The following ATP10B variants were observed in gnomAD, a reference collection of about 807,000 sequenced individuals.
ATP10B encodes the protein ATPase phospholipid transporting 10B (putative).
In ATP10B, 122 loss-of-function variants were observed where a neutral mutation model predicts 141.2. The ratio of observed to expected loss-of-function variants is 0.86; its 90% CI spans 0.75 to 1.00. The LOEUF (loss-of-function observed/expected upper bound fraction) is 1.00, where lower values mean the gene tolerates loss of function less well. Ranked by LOEUF, ATP10B falls within the 50% of genes least tolerant of loss-of-function variation. The pLI, the probability that ATP10B is intolerant of heterozygous loss-of-function variation, is 0.00. For synonymous variants in ATP10B, 685 were observed against 692.0 expected (o/e 0.99, Z 0.16); for missense variants, 1,876 against 1,825.3 (o/e 1.03, Z -0.51).
intron 24 of ATP10B, among the ~76,000 whole-genome samples, chr5:160,584,134 G>A (rs1758389028): frequency 6.6e-6 from 1 of 152,146 alleles, no homozygotes; most frequent in African/African-American, 2.4e-5. Flanking sequence ...CGGCCACCCA[G>A]CTTTGTGATT....
intron 1 of ATP10B, among the ~76,000 whole-genome samples, chr5:160,818,335 C>A (rs187048334): frequency 6.6e-6 from 1 of 152,070 alleles, no homozygotes; most frequent in Non-Finnish European, 1.5e-5. Flanking sequence ...AAAAAGTGGG[C>A]AAAGGATATG....
At position 160,763,874 on chromosome 5, in the gene ATP10B, C is replaced by T. The variant is rs191977324; in HGVS notation, c.-331+21685G>A. Reference sequence around the variant, plus strand: ...GCTCAATTAGAAACAAGATGGGGGACGTTACAACTGTTACCACAGAAATAC... The same window carrying T: ...GCTCAATTAGAAACAAGATGGGGGATGTTACAACTGTTACCACAGAAATAC... On this transcript the variant is annotated intron_variant, in intron 2 of 25. Coordinates refer to ENST00000327245, the MANE Select transcript of ATP10B (RefSeq NM_025153.3). Among the ~76,000 whole-genome samples, 218 of 152,024 alleles carry T rather than the reference C, an allele frequency of 1.4e-3. 1 individual carries two copies. The highest frequency in any genetic ancestry group is 5.1e-3 in the African/African-American group (211 of 41,510).
intron 16 of ATP10B, 116 bp downstream of exon 16, chr5:160,617,748 C>A: frequency 1.1e-6 from 1 of 930,334 alleles, no homozygotes; most frequent in Non-Finnish European, 1.6e-6. Flanking sequence ...AACAGCTAAT[C>A]TTGAAAATGT....
Position 160,686,074 on chromosome 5 carries a change from C to G in ATP10B, c.470+5G>C. ...AAGAGAGAACACAGGGATGGTTTTT[C>G]TTACCTTTCATAAATTCGAATGTTG... On this transcript the variant is annotated splice_donor_5th_base_variant and intron_variant, in intron 6 of 25. Transcript: ENST00000327245. The G allele has an allele frequency of 2.6e-6, 4 of 1,549,722 alleles. No homozygotes were observed. Among genetic ancestry groups the G allele is most frequent in the Non-Finnish European group, 3.5e-6 (4 of 1,139,654 alleles).
At chr5:160,860,909 T>A in the ATP10B span, among the ~76,000 whole-genome samples, 1 of 151,972 alleles carries the variant, frequency 6.6e-6, no homozygotes, top group Non-Finnish European at 1.5e-5. Flanking sequence ...TGCTGAATAA[T>A]GGCCATCCAC....
chr5:160,927,237 T>C, the ATP10B span, among the ~76,000 whole-genome samples: 1 of 152,098 alleles, frequency 6.6e-6, no homozygotes, highest in Non-Finnish European at 1.5e-5. Context: ...CACTGGAAAT[T>C]TAAGTGGGTG....
At chr5:160,653,631 CATATATACATATAT>C (rs1561705435) in intron 7 of ATP10B, among the ~76,000 whole-genome samples, 3 of 78,036 alleles carry the variant, frequency 3.8e-5, no homozygotes, top group Non-Finnish European at 7.0e-5. Context: ...ATTATATATA[CATATATACATATAT>C]ATTATATATA....
At chr5:160,787,702 A>G (rs1235204923) in intron 1 of ATP10B, among the ~76,000 whole-genome samples, 2 of 152,108 alleles carry the variant, frequency 1.3e-5, no homozygotes, top group Non-Finnish European at 2.9e-5. Context: ...TGTATGGTGG[A>G]ATCAGCTAGG....
chr5:160,742,321 C>T (rs1767534010), intron 2 of ATP10B, among the ~76,000 whole-genome samples: 1 of 151,988 alleles, frequency 6.6e-6, no homozygotes, highest in African/African-American at 2.4e-5. Context: ...TGCTGTTACT[C>T]ACATCCTTCA....
In ATP10B at chr5:160,565,436, C is replaced by G; in HGVS notation, c.*17G>C. 6.2e-7 allele frequency: 1 copy of G among 1,611,916 alleles called. No individual in the cohort carries two copies. The highest frequency in any genetic ancestry group is 1.7e-4 in the Middle Eastern group (1 of 6,050). The stretch of plus-strand genomic sequence containing the variant: ...CTAGGTGGCCTCTGTTGAGTTTGTA[C>G]AGATTTCTGCAGCTCCTCATATGGT... On this transcript the variant is annotated 3_prime_UTR_variant, in exon 26 of 26. Transcript: ENST00000327245.
At chr5:160,655,710 T>C (rs185761557) in intron 7 of ATP10B, among the ~76,000 whole-genome samples, 1 of 152,264 alleles carries the variant, frequency 6.6e-6, no homozygotes, top group African/African-American at 2.4e-5. Context: ...ATAAAAAATG[T>C]AGTCACAGTC....
intron 7 of ATP10B, among the ~76,000 whole-genome samples, chr5:160,668,507 T>C (rs1762464662): frequency 6.6e-6 from 1 of 152,208 alleles, no homozygotes; most frequent in Admixed American, 6.5e-5. Context: ...TCTGTGAACT[T>C]AGACCAGATC....
In ATP10B at chr5:160,759,157, C is replaced by G. The variant is rs149272616; in HGVS notation, c.-331+26402G>C. ...TTAGATTTGTCTTTCTGGGCCCTTT[C>G]AGATTCTAATCATTTTCTCTGAATT... is the stretch of plus-strand genomic sequence containing the variant. On this transcript the variant is annotated intron_variant, in intron 2 of 25. Transcript: ENST00000327245. Among the ~76,000 whole-genome samples the G allele has an allele frequency of 7.8e-3, 1,195 of 152,294 alleles. 6 individuals carry two copies. The highest frequency in any genetic ancestry group is 0.048 in the Middle Eastern group (14 of 294).
At chr5:160,574,297 G>C (rs1276310863) in intron 24 of ATP10B, among the ~76,000 whole-genome samples, 1 of 152,150 alleles carries the variant, frequency 6.6e-6, no homozygotes, top group East Asian at 1.9e-4. Flanking sequence ...AGCTGGGCTT[G>C]GTGGTGTGTG....
chr5:160,565,819 G>A lies in ATP10B; in HGVS notation c.4020C>T (p.Asp1340=). ...KAQKIDKLPP[D]KRNLEIQSWR... is the part of the protein sequence containing the mutation. ...AACTCTGGATTTCCAGGTTTCTTTT[G>A]TCTGGGGGGAGTTTGTCAATTTTCT... Residue 1340 remains aspartate (D), a synonymous_variant, in exon 26 of 26, where the codon GAC becomes GAT. Transcript: ENST00000327245. 6.2e-7 allele frequency: 1 copy of A among 1,614,068 alleles called. No homozygotes were observed. The highest frequency in any genetic ancestry group is 8.5e-7 in the Non-Finnish European group (1 of 1,179,962).
intron 3 of ATP10B, among the ~76,000 whole-genome samples, chr5:160,690,941 G>A (rs192853483): frequency 1.9e-3 from 296 of 152,284 alleles, no homozygotes; most frequent in Middle Eastern, 6.8e-3. Context: ...CAATAGCAAA[G>A]ACTTGGAACC....
intron 2 of ATP10B, among the ~76,000 whole-genome samples, chr5:160,764,256 A>G (rs1483803975): frequency 6.6e-6 from 1 of 151,780 alleles, no homozygotes; most frequent in African/African-American, 2.4e-5. Context: ...CATAACAACA[A>G]CAACAACAAA....
At chr5:160,687,746 C>A in intron 5 of ATP10B, 54 bp downstream of exon 5, 5 of 1,557,892 alleles carry the variant, frequency 3.2e-6, no homozygotes, top group South Asian at 1.2e-5. Context: ...GCCTGGGGAA[C>A]AGAATGAGAC....
chr5:160,784,738 T>C (rs1771008148), intron 2 of ATP10B, among the ~76,000 whole-genome samples: 1 of 152,140 alleles, frequency 6.6e-6, no homozygotes, highest in Non-Finnish European at 1.5e-5. Flanking sequence ...TCTGCCATGA[T>C]GGAGTATGTG....
Sources: gnomAD v4.1 joint callset for allele counts (sites outside exome capture counted in the v4.1 genomes callset) on GRCh38, gnomAD v4.1.1 for gene constraint, MANE v1.5 for transcripts, NCBI Gene and HGNC (gene_info 2026-07-23, HGNC 2026-07-21) for gene names.